Variants in MAP1LC3C observed in about 807,000 individuals in gnomAD.
The protein encoded by MAP1LC3C is microtubule-associated protein 1 light chain 3 gamma.
Under a neutral mutation model 10.4 loss-of-function variants are expected in MAP1LC3C, and 12 were observed. The ratio of observed to expected loss-of-function variants is 1.15; its 90% CI spans 0.74 to 1.86. MAP1LC3C has a LOEUF of 1.86. Among genes scored for constraint, MAP1LC3C ranks in the 40% most tolerant of loss-of-function variants. The pLI, the probability that MAP1LC3C is intolerant of heterozygous loss-of-function variation, is 0.00. For synonymous variants in MAP1LC3C, 70 were observed against 69.0 expected (o/e 1.01, Z -0.07); for missense variants, 177 against 185.7 (o/e 0.95, Z 0.27).
rs372193839 is a variant in MAP1LC3C, at chr1:241,998,596, C to T, written c.139G>A (p.Glu47Lys). 5 of 1,612,174 alleles carry T rather than the reference C, an allele frequency of 3.1e-6. No individual in the cohort carries two copies. The highest frequency in any genetic ancestry group is 1.7e-4 in the Middle Eastern group (1 of 6,050). The change falls in exon 3 of 4, where the codon GAG (glutamate) becomes AAG (lysine). Residue 47 changes from glutamate to lysine, a missense_variant. By Grantham distance (56) the Glu-to-Lys change is moderately conservative. Transcript: ENST00000357246. ...IPVVVERYPR[E>K]TFLPPLDKTK... ...TTGTCCAGCGGGGGCAGGAACGTCT[C>T]CCTGGGGTAGCGCTCCACTACCACC...
intron 3 of MAP1LC3C, among the ~76,000 whole-genome samples, chr1:241,997,225 G>A (rs1665103194): frequency 6.6e-6 from 1 of 152,012 alleles, no homozygotes; most frequent in Non-Finnish European, 1.5e-5. Context: ...TTCTCCCTTG[G>A]CCATCTTCCA....
At chr1:241,999,133 G>T (rs1665148847), upstream of MAP1LC3C, 7 of 1,453,096 alleles carry the variant, frequency 4.8e-6, no homozygotes, top group Non-Finnish European at 6.3e-6. Flanking sequence ...CTTATGTAGG[G>T]CTGAGTGACA....
At chr1:242,000,814 A>G (rs1574238678), upstream of MAP1LC3C, among the ~76,000 whole-genome samples, 1 of 152,126 alleles carries the variant, frequency 6.6e-6, no homozygotes, top group East Asian at 1.9e-4. Context: ...TGATTAAACC[A>G]TTGGCCACTG....
intron 1 of MAP1LC3C, 29 bp downstream of exon 1, chr1:241,998,922 A>G: frequency 6.2e-7 from 1 of 1,612,118 alleles, no homozygotes. Context: ...CTCTTTAGAT[A>G]ACCCAGAAAG....
intron 3 of MAP1LC3C, among the ~76,000 whole-genome samples, chr1:241,998,021 CTTTTTTTTTTT>C (rs58237405): frequency 2.1e-5 from 2 of 95,420 alleles, no homozygotes; most frequent in Non-Finnish European, 4.0e-5. Context: ...TAGAGTAATT[CTTTTTTTTTTT>C]TTTTTTTTTT....
In MAP1LC3C at chr1:241,996,399, G is replaced by A. The variant is rs1175815401; in HGVS notation, c.222-14C>T. 1.2e-6 allele frequency: 2 copies of A among 1,610,172 alleles called. No homozygotes were observed. The highest frequency in any genetic ancestry group is 2.2e-5 in the South Asian group (2 of 90,878). On this transcript the variant is annotated splice_polypyrimidine_tract_variant and intron_variant, in intron 3 of 3. Transcript: ENST00000357246. Reference sequence around the variant, plus strand: ...ACCATGCGGCTCCTGGGATGGGCAGGAGGGTGGTGAGGGTATGGCCTGCGA... The same window carrying A: ...ACCATGCGGCTCCTGGGATGGGCAGAAGGGTGGTGAGGGTATGGCCTGCGA...
Position 241,998,946 on chromosome 1 carries a change from T to C in MAP1LC3C, c.58+5A>G, listed in dbSNP as rs370092355. The C allele has an allele frequency of 1.7e-5, 27 of 1,610,982 alleles. No homozygotes were observed. In the African/African-American group the frequency reaches 3.4e-4, roughly 20 times the overall value. ...TAACCCAGAAAGCTACCCCAAGAAATTTACCCAAGCTTTTCCTCTGCTTGA... is the reference window on the plus strand; with the variant it reads ...TAACCCAGAAAGCTACCCCAAGAAACTTACCCAAGCTTTTCCTCTGCTTGA... On this transcript the variant is annotated splice_donor_5th_base_variant and intron_variant, in intron 1 of 3. Coordinates refer to ENST00000357246, the MANE Select transcript of MAP1LC3C (RefSeq NM_001004343.3).
In MAP1LC3C at chr1:241,996,159, T is replaced by C; in HGVS notation, c.*4A>G. The C allele has an allele frequency of 1.9e-6, 3 of 1,609,880 alleles. No homozygotes were observed. The highest frequency in any genetic ancestry group is 2.5e-6 in the Non-Finnish European group (3 of 1,176,976). On this transcript the variant is annotated 3_prime_UTR_variant, in exon 4 of 4. Transcript: ENST00000357246. ...GTCAGAGCACACATCCTTCCCGACA[T>C]GGGCTAGAGAGGATTGCAGGGTCTG...
At position 241,997,974 on chromosome 1, in the gene MAP1LC3C, T is replaced by C. The variant is rs1346928782; in HGVS notation, c.221+540A>G. On this transcript the variant is annotated intron_variant, in intron 3 of 3. Coordinates refer to ENST00000357246, the MANE Select transcript of MAP1LC3C (RefSeq NM_001004343.3). ...AATGTTGGCAGGTCTTTTTTGTTGT[T>C]GTCGTTGTCTGAGGGATTCTCCTTA... Among the ~76,000 whole-genome samples the C allele has an allele frequency of 2.6e-5, 4 of 152,042 alleles. No homozygotes were observed. The East Asian group carries it at 7.7e-4, about 29-fold the overall frequency.
chr1:241,998,078 A>C (rs1665123690), intron 3 of MAP1LC3C, among the ~76,000 whole-genome samples: 1 of 131,716 alleles, frequency 7.6e-6, no homozygotes, highest in Non-Finnish European at 1.5e-5. Flanking sequence ...CCAGGAGTGC[A>C]GTGGAACAGT....
chr1:241,997,540 C>T (rs1260831968), intron 3 of MAP1LC3C, among the ~76,000 whole-genome samples: 7 of 152,074 alleles, frequency 4.6e-5, no homozygotes, highest in Admixed American at 6.6e-5. Flanking sequence ...ACTCATTCAT[C>T]GTGTGTTCTC....
rs745639733 is a variant in MAP1LC3C, at chr1:241,996,261, A to G, written c.346T>C (p.Tyr116His). 10 of 1,614,202 alleles carry G rather than the reference A, an allele frequency of 6.2e-6. 1 individual carries two copies. The South Asian group carries it at 9.9e-5, about 16-fold the overall frequency. The change falls in exon 4 of 4, where the codon TAC becomes CAC. Residue 116 changes from tyrosine to histidine, a missense_variant. Coordinates refer to ENST00000357246, the MANE Select transcript of MAP1LC3C (RefSeq NM_001004343.3). ...RDYKDEDGFVYMTYASQETFG... is the reference protein window; with the variant it reads ...RDYKDEDGFVHMTYASQETFG... The stretch of plus-strand genomic sequence containing the variant: ...GTCTCCTGGGAGGCGTAGGTCATGT[A>G]CACGAAGCCATCCTCATCCTTGTAG...
At chr1:241,997,615 C>T (rs940076446) in intron 3 of MAP1LC3C, among the ~76,000 whole-genome samples, 3 of 152,212 alleles carry the variant, frequency 2.0e-5, no homozygotes, top group African/African-American at 7.2e-5. Flanking sequence ...AAAACTTACT[C>T]ATCGGGTATA....
rs764096939 is a variant in MAP1LC3C, at chr1:241,998,657, C to T, written c.115-37G>A. 20 of 1,606,276 alleles carry T rather than the reference C, an allele frequency of 1.2e-5. No individual in the cohort carries two copies. The East Asian group carries it at 4.2e-4, about 34-fold the overall frequency. ...GTCAGTCCTTAAGAATGTGACTCAG[C>T]GTGAGTGTTAGGAACTTGGAACAGA... On this transcript the variant is annotated intron_variant, in intron 2 of 3. Coordinates refer to ENST00000357246, the MANE Select transcript of MAP1LC3C (RefSeq NM_001004343.3).
At chr1:241,999,870 C>T (rs116528642), upstream of MAP1LC3C, among the ~76,000 whole-genome samples, 342 of 152,264 alleles carry the variant, frequency 2.2e-3, 1 homozygote, top group South Asian at 5.2e-3. Flanking sequence ...CCAAGTACTA[C>T]ACTCCAGTAT....
rs1406954005 is a variant in MAP1LC3C, at chr1:241,996,204, C to T, written c.403G>A (p.Asp135Asn). 1.2e-6 allele frequency: 2 copies of T among 1,614,014 alleles called. No homozygotes were observed. Among genetic ancestry groups the T allele is most frequent in the South Asian group, 1.1e-5 (1 of 91,078 alleles). Residue 135 changes from aspartate to asparagine, a missense_variant, in exon 4 of 4, where the codon GAT (aspartate) becomes AAT (asparagine). Physicochemically the swap from Asp to Asn is conservative, Grantham distance 23 (BLOSUM62 1). Transcript: ENST00000357246. ...FGCLESAAPR[D>N]GSSLEDRPCN... ...GGTCTGTCCTCAAGGCTGCTCCCAT[C>T]CCTGGGGGCTGCTGACTCCAGGCAG... is the stretch of plus-strand genomic sequence containing the variant.
At chr1:241,998,450 G>GAA (rs1665130575) in intron 3 of MAP1LC3C, 64 bp downstream of exon 3, 1 of 1,419,182 alleles carries the variant, frequency 7.0e-7, no homozygotes, top group Non-Finnish European at 9.9e-7. Flanking sequence ...GCCAAACGAA[G>GAA]AAAGCCCAAC....
At chr1:241,998,317 C>A (rs2049067) in intron 3 of MAP1LC3C, among the ~76,000 whole-genome samples, 197 bp downstream of exon 3, 139,522 of 152,128 alleles carry the variant, frequency 0.92, 64,315 homozygotes, top group Non-Finnish European at 0.97. Flanking sequence ...CCACTCCGCC[C>A]GGGGTTTAAA....
chr1:241,999,874 C>G (rs1326330397), upstream of MAP1LC3C, among the ~76,000 whole-genome samples: 1 of 152,120 alleles, frequency 6.6e-6, no homozygotes, highest in Non-Finnish European at 1.5e-5. Context: ...GTACTACACT[C>G]CAGTATATTC....
Sources: gnomAD v4.1 joint callset for allele counts (sites outside exome capture counted in the v4.1 genomes callset) on GRCh38, gnomAD v4.1.1 for gene constraint, MANE v1.5 for transcripts, NCBI Gene and HGNC (gene_info 2026-07-23, HGNC 2026-07-21) for gene names.